The following KLRG1 variants were observed in gnomAD, a reference collection of about 807,000 sequenced individuals.
KLRG1 encodes killer cell lectin-like receptor subfamily G member 1.
KLRG1 carries 16 observed loss-of-function variants against 21.8 expected under a neutral mutation model. That is an observed-to-expected ratio of 0.73 (90% CI 0.50 to 1.11). The LOEUF is 1.11. KLRG1 is among the 50% of genes most tolerant of loss of function. KLRG1 has a pLI of 0.00. For missense variants in KLRG1, 173 were observed against 218.3 expected, an observed-to-expected ratio of 0.79 and a Z score of 1.31; for synonymous variants, 69 against 75.9, an observed-to-expected ratio of 0.91 and a Z score of 0.47.
intron 1 of KLRG1, among the ~76,000 whole-genome samples, chr12:8,969,930 AC>A (rs1946539502): frequency 6.6e-6 from 1 of 152,220 alleles, no homozygotes; most frequent in African/African-American, 2.4e-5. Context: ...AGACTGGGCA[AC>A]ATGGTGAAAC....
At chr12:9,077,994 T>A in the KLRG1 span, 1 of 988,362 alleles carries the variant, frequency 1.0e-6, no homozygotes, top group Non-Finnish European at 1.5e-6. Context: ...CCTTGATTAA[T>A]CTTTAGTCTG....
the KLRG1 span, chr12:9,093,622 TAAA>T: frequency 1.8e-6 from 2 of 1,099,042 alleles, no homozygotes; most frequent in Non-Finnish European, 2.5e-6. Context: ...AACATACAGA[TAAA>T]GCTTATGAGA....
At chr12:8,966,638 C>A (rs1946477649) in intron 1 of KLRG1, among the ~76,000 whole-genome samples, 1 of 151,734 alleles carries the variant, frequency 6.6e-6, no homozygotes, top group Non-Finnish European at 1.5e-5. Flanking sequence ...CAATGAGATA[C>A]CATCTCACAC....
At chr12:9,171,198 G>A in the KLRG1 span, among the ~76,000 whole-genome samples, 23 of 152,124 alleles carry the variant, frequency 1.5e-4, no homozygotes, top group Admixed American at 5.9e-4. Context: ...ATACTTCCAC[G>A]TACGGGAGAA....
the KLRG1 span, among the ~76,000 whole-genome samples, chr12:9,213,559 A>G: frequency 6.6e-6 from 1 of 151,992 alleles, no homozygotes; most frequent in Non-Finnish European, 1.5e-5. Flanking sequence ...TTATGGTTTT[A>G]ATTTGTATTT....
chr12:9,079,100 G>T, the KLRG1 span: 1 of 599,382 alleles, frequency 1.7e-6, no homozygotes, highest in Non-Finnish European at 2.8e-6. Context: ...TGATTACCTT[G>T]CTAATCTTGG....
At chr12:9,041,737 A>C in the KLRG1 span, among the ~76,000 whole-genome samples, 1 of 152,188 alleles carries the variant, frequency 6.6e-6, no homozygotes, top group Non-Finnish European at 1.5e-5. Context: ...ATCCTAATCA[A>C]ATCTTCAGGT....
chr12:9,069,391 ATTG>A, the KLRG1 span, among the ~76,000 whole-genome samples: 1 of 151,948 alleles, frequency 6.6e-6, no homozygotes, highest in African/African-American at 2.4e-5. Context: ...TCCCTTTCAT[ATTG>A]TTGTTGAGTA....
At chr12:9,183,997 T>C in the KLRG1 span, among the ~76,000 whole-genome samples, 2 of 152,210 alleles carry the variant, frequency 1.3e-5, no homozygotes, top group Non-Finnish European at 2.9e-5. Flanking sequence ...AAGGAAGCCC[T>C]TTTATCACTG....
the KLRG1 span, chr12:9,157,301 T>C: frequency 5.3e-5 from 85 of 1,613,932 alleles, 1 homozygote; most frequent in South Asian, 8.8e-4. Context: ...GTCCCCTCCT[T>C]TGCTACATTC....
At chr12:9,049,462 G>A in the KLRG1 span, among the ~76,000 whole-genome samples, 1 of 152,144 alleles carries the variant, frequency 6.6e-6, no homozygotes, top group Non-Finnish European at 1.5e-5. Flanking sequence ...ATAAAGGGAT[G>A]TGGTATTTCT....
the KLRG1 span, among the ~76,000 whole-genome samples, chr12:9,145,432 CA>C: frequency 6.6e-6 from 1 of 152,166 alleles, no homozygotes; most frequent in African/African-American, 2.4e-5. Context: ...AGTTTAATCA[CA>C]TACAAAAACT....
At position 8,992,299 on chromosome 12, in the gene KLRG1, T is replaced by A; in HGVS notation, c.176T>A (p.Ile59Asn). ...VLLSVLLYQW[I>N]LCQGSNYSTC... ...CTGAGTGTGCTGCTATACCAGTGGA[T>A]CCTGTGCCAGGGTAAGTGCAAACTT... Residue 59 changes from isoleucine to asparagine, a missense_variant, in exon 2 of 5, where the codon ATC (isoleucine) becomes AAC (asparagine). This residue lies in a region of KLRG1 where 144 missense variants were observed against 161.5 expected (regional missense o/e 0.89). Coordinates refer to ENST00000356986, the MANE Select transcript of KLRG1 (RefSeq NM_005810.4). The A allele has an allele frequency of 6.2e-7, 1 of 1,611,250 alleles. No individual in the cohort carries two copies. The highest frequency in any genetic ancestry group is 2.2e-5 in the East Asian group (1 of 44,848).
chr12:9,069,315 G>T, the KLRG1 span, among the ~76,000 whole-genome samples: 5 of 152,146 alleles, frequency 3.3e-5, no homozygotes, highest in Non-Finnish European at 5.9e-5. Context: ...AAATCAGATT[G>T]GTTTACTGGT....
At chr12:9,071,486 A>T in the KLRG1 span, among the ~76,000 whole-genome samples, 14 of 152,162 alleles carry the variant, frequency 9.2e-5, no homozygotes, top group African/African-American at 1.9e-4. Flanking sequence ...CAGGTTTGTT[A>T]TATAGGTAAA....
At chr12:9,187,486 G>A in the KLRG1 span, among the ~76,000 whole-genome samples, 2 of 151,978 alleles carry the variant, frequency 1.3e-5, no homozygotes, top group Admixed American at 6.6e-5. Context: ...CCACACTCTC[G>A]GACTACCATG....
chr12:8,951,388 G>A (rs1430657143), intron 1 of KLRG1, among the ~76,000 whole-genome samples: 1 of 152,144 alleles, frequency 6.6e-6, no homozygotes, highest in Non-Finnish European at 1.5e-5. Context: ...AAGATTGCTT[G>A]AGCCTGGGAG....
intron 1 of KLRG1, among the ~76,000 whole-genome samples, chr12:8,951,311 A>AG (rs1345640732): frequency 6.6e-6 from 1 of 150,902 alleles, no homozygotes; most frequent in Non-Finnish European, 1.5e-5. Flanking sequence ...CTTCTTTCAA[A>AG]AAAAAAAATC....
At chr12:9,152,285 T>C in the KLRG1 span, 1 of 1,613,534 alleles carries the variant, frequency 6.2e-7, no homozygotes, top group Non-Finnish European at 8.5e-7. Flanking sequence ...ATCACCATAT[T>C]GGAAGCAGGA....
Sources: gnomAD v4.1 joint callset for allele counts (sites outside exome capture counted in the v4.1 genomes callset) on GRCh38, gnomAD v4.1.1 for gene constraint, gnomAD v4.1.1 regional missense constraint, MANE v1.5 for transcripts, NCBI Gene and HGNC (gene_info 2026-07-23, HGNC 2026-07-21) for gene names.